EGFL7: variants seen among roughly 807,000 people sequenced by gnomAD.
EGFL7 encodes the protein epidermal growth factor-like protein 7.
Under a neutral mutation model 37.1 loss-of-function variants are expected in EGFL7, and 48 were observed. The ratio of observed to expected loss-of-function variants is 1.29; its 90% CI spans 1.03 to 1.65. EGFL7 has a LOEUF of 1.65. EGFL7 is among the 40% of genes most tolerant of loss of function. EGFL7 has a pLI of 0.00. For missense variants in EGFL7, 384 were observed against 378.9 expected (o/e 1.01, Z -0.11); for synonymous variants, 180 against 156.8 (o/e 1.15, Z -1.10).
chr9:136,658,868 G>T (rs7020381), upstream of EGFL7: 1 of 152,324 alleles, frequency 6.6e-6, no homozygotes, highest in African/African-American at 2.4e-5. Flanking sequence ...ATGCAAAGCC[G>T]GTGGGGACCT....
upstream of EGFL7, among the ~76,000 whole-genome samples, chr9:136,662,295 G>T (rs547750232): frequency 4.7e-4 from 71 of 152,154 alleles, no homozygotes; most frequent in Non-Finnish European, 6.5e-4. Context: ...AGAGAGCTTG[G>T]ACTCCATGCT....
Position 136,672,075 on chromosome 9 carries a change from G to A in EGFL7, c.786G>A (p.Glu262=). The change falls in exon 10 of 11, where the codon GAG becomes GAA. Residue 262 remains glutamate (E), a synonymous_variant. Transcript: ENST00000308874. ...SLSEQISFLE[E]QLGSCSCKKD... ...GCGAGCAGATTTCCTTCCTGGAGGAGCAGCTGGGGTCCTGTGAGTGCCCCC... is the reference window on the plus strand; with the variant it reads ...GCGAGCAGATTTCCTTCCTGGAGGAACAGCTGGGGTCCTGTGAGTGCCCCC... 3 of 1,546,440 alleles carry A rather than the reference G, an allele frequency of 1.9e-6. No homozygotes were observed. Among genetic ancestry groups the A allele is most frequent in the Non-Finnish European group, 2.6e-6 (3 of 1,146,694 alleles).
intron 10 of EGFL7, 39 bp from the exon 11 acceptor site, chr9:136,672,225 G>A (rs778153856): frequency 5.6e-6 from 9 of 1,613,230 alleles, no homozygotes; most frequent in African/African-American, 5.3e-5. Flanking sequence ...GAGGCTGTGG[G>A]GAGCAGTGAT....
Position 136,672,041 on chromosome 9 carries a change from A to ACTCCCTGAGCG in EGFL7, c.753_763dup (p.Glu255AlafsTer3). On this transcript the variant is annotated frameshift_variant, in exon 10 of 11. Coordinates refer to ENST00000308874, the MANE Select transcript of EGFL7 (RefSeq NM_016215.5). LOFTEE classifies it high-confidence loss of function. ...TCCTTCCAGCAGCTCGGCCGCATCG[A>ACTCCCTGAGCG]CTCCCTGAGCGAGCAGATTTCCTTC... The ACTCCCTGAGCG allele has an allele frequency of 6.5e-7, 1 of 1,544,806 alleles. No homozygotes were observed. The highest frequency in any genetic ancestry group is 8.7e-7 in the Non-Finnish European group (1 of 1,146,704).
intron 6 of EGFL7, 59 bp from the exon 7 acceptor site, chr9:136,669,855 T>G: frequency 6.7e-7 from 1 of 1,483,374 alleles, no homozygotes; most frequent in South Asian, 1.2e-5. Context: ...CCCTAGCAGC[T>G]GCCCCCACAG....
At chr9:136,662,777 C>G (rs1287531189), upstream of EGFL7, 3 of 152,304 alleles carry the variant, frequency 2.0e-5, no homozygotes, top group South Asian at 2.1e-4. Context: ...GGCCCCCACC[C>G]CCCTCAGCCT....
In EGFL7 at chr9:136,672,410, TTCCTCCTCTTCC is replaced by T; in HGVS notation, c.*131_*142del. ...ACTGAGCGGAAGGCCAGGCAGGGCC[TTCCTCCTCTTCC>T]TCCTCCCCTTCCTCGGGAGGCTCCC... On this transcript the variant is annotated 3_prime_UTR_variant, in exon 11 of 11. Transcript: ENST00000308874. The T allele has an allele frequency of 7.4e-6, 8 of 1,078,704 alleles. No homozygotes were observed. The highest frequency in any genetic ancestry group is 9.7e-6 in the Non-Finnish European group (7 of 720,628). The allele number at this position is 1,078,704 out of a possible 1,614,324, so 66.8% of individuals were successfully genotyped here. A position where few individuals can be genotyped will look rare whatever the true frequency, so the allele number is the denominator to read the frequency against.
intron 3 of EGFL7, 150 bp from the exon 4 acceptor site, chr9:136,668,091 G>C (rs1418856270): frequency 5.2e-6 from 3 of 572,352 alleles, no homozygotes; most frequent in Non-Finnish European, 9.2e-6. Flanking sequence ...GGGGCCAGCG[G>C]AGGAGAGAGT....
intron 7 of EGFL7, 64 bp downstream of exon 7, chr9:136,670,073 G>C (rs1186105206): frequency 6.9e-6 from 11 of 1,599,286 alleles, no homozygotes; most frequent in Non-Finnish European, 9.4e-6. Context: ...CATGTCCTGG[G>C]GTTACTGCTG....
At chr9:136,660,865 A>G (rs556002682), upstream of EGFL7, among the ~76,000 whole-genome samples, 4 of 152,134 alleles carry the variant, frequency 2.6e-5, no homozygotes, top group Non-Finnish European at 5.9e-5. Flanking sequence ...CTCCAGGCTC[A>G]CCTGGGCCGG....
intron 8 of EGFL7, chr9:136,670,739 G>A (rs1402124206): frequency 1.3e-5 from 10 of 744,500 alleles, no homozygotes; most frequent in African/African-American, 3.4e-5. Context: ...CAGCGTGGCC[G>A]GGACCCTGAG....
chr9:136,660,605 C>T (rs564951671), upstream of EGFL7, among the ~76,000 whole-genome samples: 23 of 152,274 alleles, frequency 1.5e-4, no homozygotes, highest in Admixed American at 5.9e-4. Flanking sequence ...ACTCTGCCCT[C>T]GCCCCTTGCC....
Position 136,672,597 on chromosome 9 carries a change from A to C in EGFL7, c.*311A>C, listed in dbSNP as rs889499234. 5.5e-5 allele frequency: 29 copies of C among 527,202 alleles called. No homozygotes were observed. Among genetic ancestry groups the C allele is most frequent in the Non-Finnish European group, 9.2e-5 (27 of 293,896 alleles). 32.7% of individuals were successfully genotyped at this position (527,202 alleles called of 1,614,324 possible). The stretch of plus-strand genomic sequence containing the variant: ...CCTGCTGGAGCCTGGGACCCATGGC[A>C]CAGGCCAGGCAGCCCGGAGGCTGGG... On this transcript the variant is annotated 3_prime_UTR_variant, in exon 11 of 11. Coordinates refer to ENST00000308874, the MANE Select transcript of EGFL7 (RefSeq NM_016215.5).
In EGFL7 at chr9:136,670,131, C is replaced by T. The variant is rs748414052; in HGVS notation, c.410-38C>T. 6.2e-6 allele frequency: 10 copies of T among 1,612,042 alleles called. No individual in the cohort carries two copies. In the East Asian group the frequency reaches 2.2e-4, roughly 36 times the overall value. On this transcript the variant is annotated intron_variant, in intron 7 of 10. Transcript: ENST00000308874. Reference sequence around the variant, plus strand: ...AGGGAGCTGTGTGGGCAGGACCCCTCCCGCAGGCATGGCCGCCTGACACCC... The same window carrying T: ...AGGGAGCTGTGTGGGCAGGACCCCTTCCGCAGGCATGGCCGCCTGACACCC...
chr9:136,672,565 C>A lies in EGFL7; in HGVS notation c.*279C>A, dbSNP rs1036938631. 2.8e-5 allele frequency: 16 copies of A among 576,998 alleles called. No homozygotes were observed. The highest frequency in any genetic ancestry group is 9.2e-4 in the Middle Eastern group (2 of 2,174). The allele number at this position is 576,998 out of a possible 1,614,324, so 35.7% of individuals were successfully genotyped here. ...GTGGGCCCTCAGCTGAGGGAAGGTA[C>A]GAGCTCCCTGCTGGAGCCTGGGACC... On this transcript the variant is annotated 3_prime_UTR_variant, in exon 11 of 11. Coordinates refer to ENST00000308874, the MANE Select transcript of EGFL7 (RefSeq NM_016215.5).
At chr9:136,669,867 G>A (rs1490819078) in intron 6 of EGFL7, 47 bp from the exon 7 acceptor site, 4 of 1,521,776 alleles carry the variant, frequency 2.6e-6, no homozygotes, top group Non-Finnish European at 3.6e-6. Flanking sequence ...CCCCCACAGG[G>A]TGCTGGGGAC....
chr9:136,661,682 G>T, upstream of EGFL7, among the ~76,000 whole-genome samples: 1 of 152,198 alleles, frequency 6.6e-6, no homozygotes, highest in East Asian at 1.9e-4. Context: ...GTGGGTAGAG[G>T]GGAGCTGGTT....
chr9:136,667,692 A>AC (rs1248805075), intron 3 of EGFL7, among the ~76,000 whole-genome samples: 2 of 151,784 alleles, frequency 1.3e-5, no homozygotes, highest in African/African-American at 2.4e-5. Flanking sequence ...GAATGTGTGC[A>AC]CCCTCCGCAC....
At chr9:136,662,095 G>A (rs1041298730), upstream of EGFL7, among the ~76,000 whole-genome samples, 3 of 152,244 alleles carry the variant, frequency 2.0e-5, no homozygotes, top group Middle Eastern at 3.4e-3. Context: ...AGACCTGGAG[G>A]CTGGGACGCC....
Sources: allele counts gnomAD v4.1 joint callset (sites outside exome capture counted in the v4.1 genomes callset), GRCh38; gene constraint gnomAD v4.1.1; transcripts MANE v1.5; gene names NCBI Gene and HGNC (gene_info 2026-07-23, HGNC 2026-07-21).